Variants in IFT88 observed in about 807,000 individuals in gnomAD.
IFT88 encodes the protein intraflagellar transport protein 88 homolog.
A neutral mutation model predicts 119.5 loss-of-function variants in IFT88; 74 were observed. The observed-to-expected ratio is 0.62, with a 90% confidence interval of 0.51 to 0.75. The LOEUF is 0.75. Among genes scored for constraint, IFT88 ranks in the 30% least tolerant of loss-of-function variants. The pLI is 0.00. For synonymous variants in IFT88, 279 were observed against 316.7 expected (o/e 0.88, Z 1.26); for missense variants, 961 against 977.7 (o/e 0.98, Z 0.23).
chr13:20,669,670 C>T (rs1434492234), intron 23 of IFT88, among the ~76,000 whole-genome samples: 5 of 151,966 alleles, frequency 3.3e-5, no homozygotes, highest in Non-Finnish European at 4.4e-5. Flanking sequence ...GTAATCCACC[C>T]GCCTCGGCCT....
chr13:20,690,742 A>G lies in IFT88; in HGVS notation c.2280A>G (p.Glu760=). ...GQNYSASSKG[E]RLSARLRALP... is the part of the protein sequence containing the mutation. ...ACTATAGTGCCAGTAGTAAAGGTGA[A>G]CGACTAAGTGCCAGACTCAGAGCTT... The change falls in exon 25 of 26, where the codon GAA becomes GAG. Residue 760 remains glutamate, a synonymous_variant. Transcript: ENST00000351808. 1 of 1,613,850 alleles carries G rather than the reference A, an allele frequency of 6.2e-7. No homozygotes were observed. Among genetic ancestry groups the G allele is most frequent in the Non-Finnish European group, 8.5e-7 (1 of 1,179,754 alleles).
At chr13:20,577,431 A>G (rs1401839126) in intron 2 of IFT88, among the ~76,000 whole-genome samples, 2 of 152,108 alleles carry the variant, frequency 1.3e-5, no homozygotes, top group Non-Finnish European at 2.9e-5. Context: ...CATCCTTGGC[A>G]TGTTCCAGAT....
chr13:20,657,553 A>C (rs2053043101), intron 22 of IFT88, among the ~76,000 whole-genome samples: 1 of 152,236 alleles, frequency 6.6e-6, no homozygotes, highest in South Asian at 2.1e-4. Context: ...AGATAAAATC[A>C]TTGAAAGACA....
intron 24 of IFT88, among the ~76,000 whole-genome samples, chr13:20,676,487 C>T (rs2056673903): frequency 6.6e-6 from 1 of 152,234 alleles, no homozygotes; most frequent in African/African-American, 2.4e-5. Flanking sequence ...GTGTCCACTG[C>T]ACTGCCAGCG....
At position 20,638,452 on chromosome 13, in the gene IFT88, G is replaced by T; in HGVS notation, c.1507G>T (p.Ala503Ser). ...TVFANGDYEK[A>S]AEFYKEALRN... ...TTTTGCAAATGGTGATTATGAGAAG[G>T]CCGCTGAATTCTATAAAGAGGCTCT... The change falls in exon 17 of 26, where the codon GCC becomes TCC. Residue 503 changes from alanine to serine, a missense_variant. By Grantham distance (99) the Ala-to-Ser change is moderately conservative. Coordinates refer to ENST00000351808, the MANE Select transcript of IFT88 (RefSeq NM_006531.5). 2 of 1,530,344 alleles carry T rather than the reference G, an allele frequency of 1.3e-6. No individual in the cohort carries two copies. Among genetic ancestry groups the T allele is most frequent in the Non-Finnish European group, 1.7e-6 (2 of 1,144,824 alleles). 94.8% of individuals were successfully genotyped at this position (1,530,344 alleles called of 1,614,324 possible). A position where few individuals can be genotyped will look rare whatever the true frequency, so the allele number is the denominator to read the frequency against.
At position 20,663,570 on chromosome 13, in the gene IFT88, A is replaced by G; in HGVS notation, c.2141A>G (p.Lys714Arg). 6.2e-7 allele frequency: 1 copy of G among 1,613,904 alleles called. No homozygotes were observed. Among genetic ancestry groups the G allele is most frequent in the Non-Finnish European group, 8.5e-7 (1 of 1,179,894 alleles). The change falls in exon 23 of 26, where the codon AAG becomes AGG. Residue 714 changes from lysine (K) to arginine (R), a missense_variant. Lys to Arg is a conservative substitution (Grantham distance 26). Coordinates refer to ENST00000351808, the MANE Select transcript of IFT88 (RefSeq NM_006531.5). Reference protein sequence around the residue: ...KDAQEYARKLKRLEKMKEIRE... With the variant: ...KDAQEYARKLRRLEKMKEIRE... ...GCTCAAGAATATGCCAGAAAACTGA[A>G]GAGGTTGGAAAAAATGAAAGAAATA...
At chr13:20,580,565 C>T (rs1355754984) in intron 2 of IFT88, among the ~76,000 whole-genome samples, 1 of 151,996 alleles carries the variant, frequency 6.6e-6, no homozygotes, top group Non-Finnish European at 1.5e-5. Context: ...AGTATTTTCT[C>T]ATGATAGGAT....
At chr13:20,688,894 G>C (rs2058216637) in intron 24 of IFT88, among the ~76,000 whole-genome samples, 1 of 151,894 alleles carries the variant, frequency 6.6e-6, no homozygotes, top group South Asian at 2.1e-4. Flanking sequence ...GCCCAGCCAA[G>C]TTTTATTTTT....
At position 20,638,425 on chromosome 13, in the gene IFT88, G is replaced by T. The variant is rs762129374; in HGVS notation, c.1480G>T (p.Val494Phe). ...PAALTNKGNT[V>F]FANGDYEKAA... ...AGCTCTTACTAATAAAGGGAATACA[G>T]TTTTTGCAAATGGTGATTATGAGAA... is the stretch of plus-strand genomic sequence containing the variant. Residue 494 changes from valine to phenylalanine, a missense_variant, in exon 17 of 26, where the codon GTT becomes TTT. Val to Phe is a conservative substitution (Grantham distance 50). Coordinates refer to ENST00000351808, the MANE Select transcript of IFT88 (RefSeq NM_006531.5). 9.1e-6 allele frequency: 14 copies of T among 1,531,028 alleles called. No homozygotes were observed. In the South Asian group the frequency reaches 1.9e-4, roughly 21 times the overall value. The allele number at this position is 1,531,028 out of a possible 1,614,324, so 94.8% of individuals were successfully genotyped here.
intron 24 of IFT88, among the ~76,000 whole-genome samples, chr13:20,674,086 C>T (rs61955669): frequency 0.012 from 1,819 of 152,258 alleles, 18 homozygotes; most frequent in Admixed American, 0.017. Flanking sequence ...GCTGGTTCCA[C>T]GCTGACACTT....
At chr13:20,641,186 T>A in intron 17 of IFT88, 104 bp from the exon 18 acceptor site, 1 of 709,202 alleles carries the variant, frequency 1.4e-6, no homozygotes, top group East Asian at 2.8e-5. Context: ...TTTTCTCTTC[T>A]GGATAAATAT....
intron 12 of IFT88, among the ~76,000 whole-genome samples, chr13:20,602,700 G>A (rs2042812043): frequency 6.6e-6 from 1 of 152,072 alleles, no homozygotes; most frequent in Non-Finnish European, 1.5e-5. Flanking sequence ...CTGACCAACA[G>A]GGCGAAATGC....
chr13:20,670,716 G>A (rs570074178), intron 23 of IFT88, among the ~76,000 whole-genome samples: 3 of 151,824 alleles, frequency 2.0e-5, no homozygotes, highest in Non-Finnish European at 2.9e-5. Context: ...AGTTGTTTGT[G>A]TAAGCCAAGG....
chr13:20,658,068 G>C (rs1360179695), intron 22 of IFT88, among the ~76,000 whole-genome samples: 1 of 151,910 alleles, frequency 6.6e-6, no homozygotes, highest in Non-Finnish European at 1.5e-5. Flanking sequence ...TACCAGTCAG[G>C]AAATAGGCTA....
intron 1 of IFT88, among the ~76,000 whole-genome samples, chr13:20,571,453 A>G (rs1334590267): frequency 7.0e-6 from 1 of 142,930 alleles, no homozygotes; most frequent in Non-Finnish European, 1.5e-5. Context: ...CAAATTGCCT[A>G]AAATATTGAC....
intron 23 of IFT88, among the ~76,000 whole-genome samples, chr13:20,664,846 A>G (rs770829414): frequency 3.9e-5 from 6 of 152,094 alleles, no homozygotes; most frequent in Non-Finnish European, 7.4e-5. Context: ...TTGGGAGGCC[A>G]AGGTGGGCAG....
intron 16 of IFT88, among the ~76,000 whole-genome samples, chr13:20,636,701 A>G (rs2049062625): frequency 2.0e-5 from 3 of 152,238 alleles, no homozygotes; most frequent in Non-Finnish European, 1.5e-5. Context: ...AGTCCCCAAC[A>G]CAGGCCCTCA....
chr13:20,676,437 G>A (rs1175047837), intron 24 of IFT88, among the ~76,000 whole-genome samples: 5 of 152,158 alleles, frequency 3.3e-5, no homozygotes, highest in South Asian at 2.1e-4. Flanking sequence ...TGTGACTCCC[G>A]CCTGACAAAG....
At chr13:20,621,146 A>G (rs1003698953) in intron 14 of IFT88, among the ~76,000 whole-genome samples, 1 of 151,942 alleles carries the variant, frequency 6.6e-6, no homozygotes, top group African/African-American at 2.4e-5. Context: ...GCTCACCGCA[A>G]CCTCCACCTC....
Sources: allele counts gnomAD v4.1 joint callset (sites outside exome capture counted in the v4.1 genomes callset), GRCh38; gene constraint gnomAD v4.1.1; transcripts MANE v1.5; gene names NCBI Gene and HGNC (gene_info 2026-07-23, HGNC 2026-07-21).